EPHB1: variants seen among roughly 807,000 people sequenced by gnomAD.
EPHB1 encodes ephrin type-B receptor 1.
Under a neutral mutation model 94.4 loss-of-function variants are expected in EPHB1, and 30 were observed. The observed-to-expected ratio is 0.32, with a 90% CI of 0.24 to 0.43. The LOEUF is 0.43. Among genes scored for constraint, EPHB1 ranks in the 20% least tolerant of loss-of-function variants. The probability of loss-of-function intolerance (pLI) is 1.00; values close to 1 mark genes in which losing one functional copy is unlikely to be tolerated. For synonymous variants in EPHB1, 522 were observed against 489.1 expected, an observed-to-expected ratio of 1.07 and a Z score of -0.89; for missense variants, 1,055 against 1,308.3, an observed-to-expected ratio of 0.81 and a Z score of 2.99.
At chr3:134,860,580 C>T (rs1426634678) in intron 1 of EPHB1, among the ~76,000 whole-genome samples, 3 of 152,038 alleles carry the variant, frequency 2.0e-5, no homozygotes, top group East Asian at 3.9e-4. Context: ...TTTGGGAGGC[C>T]GAGACGGGCA....
At chr3:135,080,636 T>G (rs1202389457) in intron 3 of EPHB1, among the ~76,000 whole-genome samples, 2 of 151,900 alleles carry the variant, frequency 1.3e-5, no homozygotes, top group Non-Finnish European at 2.9e-5. Flanking sequence ...CAATTTGACA[T>G]CTTTAGGATT....
intron 14 of EPHB1, among the ~76,000 whole-genome samples, chr3:135,248,910 AT>A (rs1368937020): frequency 6.8e-5 from 10 of 147,802 alleles, no homozygotes; most frequent in East Asian, 4.0e-4. Flanking sequence ...TCACTGCTCC[AT>A]TTTTTTTTTC....
At chr3:134,959,964 ACCTTTTTTTTTTTTTTTTTTTTTTTTTT>A (rs1933440621) in intron 3 of EPHB1, among the ~76,000 whole-genome samples, 1 of 89,134 alleles carries the variant, frequency 1.1e-5, no homozygotes, top group Admixed American at 1.4e-4. Flanking sequence ...AAACATCTGC[ACCTTTTTTTTTTTTTTTTTTTTTTTTTT>A]TTTTTTTTTT....
chr3:135,230,411 G>A (rs1943504987), intron 12 of EPHB1, among the ~76,000 whole-genome samples: 1 of 152,080 alleles, frequency 6.6e-6, no homozygotes, highest in Non-Finnish European at 1.5e-5. Context: ...GGAGAGCAAA[G>A]TGTCTAGAGA....
At chr3:135,143,796 G>A (rs1451288953) in intron 5 of EPHB1, among the ~76,000 whole-genome samples, 2 of 152,228 alleles carry the variant, frequency 1.3e-5, no homozygotes, top group Non-Finnish European at 1.5e-5. Flanking sequence ...TCCCATGGTT[G>A]CAGGGTCACA....
chr3:135,032,093 G>T (rs1936491507), intron 3 of EPHB1, among the ~76,000 whole-genome samples: 1 of 151,838 alleles, frequency 6.6e-6, no homozygotes, highest in Non-Finnish European at 1.5e-5. Context: ...CATTGCCTGG[G>T]TACTGCACAG....
At chr3:134,948,869 T>C (rs1380459549) in intron 2 of EPHB1, among the ~76,000 whole-genome samples, 7 of 152,232 alleles carry the variant, frequency 4.6e-5, no homozygotes, top group Non-Finnish European at 1.0e-4. Flanking sequence ...TATGCTATGA[T>C]ATGCTATCTA....
chr3:134,882,004 A>G (rs548637003), intron 1 of EPHB1, among the ~76,000 whole-genome samples: 35 of 152,360 alleles, frequency 2.3e-4, no homozygotes, highest in African/African-American at 7.7e-4. Context: ...CTGTCCAACA[A>G]TATTATTTGG....
chr3:134,867,100 A>G (rs1046954379), intron 1 of EPHB1, among the ~76,000 whole-genome samples: 2 of 152,134 alleles, frequency 1.3e-5, no homozygotes, highest in Admixed American at 1.3e-4. Context: ...TGGGAGGGCC[A>G]CAGCCTAATT....
Position 134,810,563 on chromosome 3 carries a change from GA to G in EPHB1, c.58+14875del, listed in dbSNP as rs765673281. Among the ~76,000 whole-genome samples, 20 of 152,288 alleles carry G rather than the reference GA, an allele frequency of 1.3e-4. No individual in the cohort carries two copies. In the South Asian group the frequency reaches 1.9e-3, roughly 14 times the overall value. On this transcript the variant is annotated intron_variant, in intron 1 of 15. Coordinates refer to ENST00000398015, the MANE Select transcript of EPHB1 (RefSeq NM_004441.5). ...TATTAAATATCTGGGAAAAGACTGA[GA>G]GAACAATTATAGTATTGTCATAATG...
intron 4 of EPHB1, among the ~76,000 whole-genome samples, chr3:135,111,586 T>C (rs1221445691): frequency 6.6e-6 from 1 of 152,176 alleles, no homozygotes; most frequent in African/African-American, 2.4e-5. Flanking sequence ...AGTGTGAATG[T>C]ACGAGCGCAT....
intron 12 of EPHB1, among the ~76,000 whole-genome samples, chr3:135,220,849 A>G (rs1258673539): frequency 2.0e-5 from 3 of 152,200 alleles, no homozygotes; most frequent in African/African-American, 4.8e-5. Flanking sequence ...TCCAAGCCAG[A>G]GAGGACAAGA....
chr3:134,852,989 T>C, intron 1 of EPHB1, among the ~76,000 whole-genome samples: 1 of 151,964 alleles, frequency 6.6e-6, no homozygotes, highest in East Asian at 1.9e-4. Context: ...GCAGGTGGGG[T>C]CACTGCCAGC....
chr3:134,802,804 G>A (rs1166757527), intron 1 of EPHB1, among the ~76,000 whole-genome samples: 3 of 152,136 alleles, frequency 2.0e-5, no homozygotes, highest in East Asian at 1.9e-4. Context: ...AGCCTTCTAG[G>A]GCAGGAAAAG....
chr3:135,172,257 G>C (rs1941824991), intron 9 of EPHB1, among the ~76,000 whole-genome samples: 1 of 152,208 alleles, frequency 6.6e-6, no homozygotes, highest in African/African-American at 2.4e-5. Flanking sequence ...CCAGCATAAT[G>C]CCATTATGGC....
rs1209093070 is a variant in EPHB1, at chr3:135,052,734, A to G, written c.806-53714A>G. Reference sequence around the variant, plus strand: ...AAATTAGCCGGGCGTGTTGGCTGGCACCTGTAGTCCCAGCTACTCGGGAGG... The same window carrying G: ...AAATTAGCCGGGCGTGTTGGCTGGCGCCTGTAGTCCCAGCTACTCGGGAGG... On this transcript the variant is annotated intron_variant, in intron 3 of 15. Transcript: ENST00000398015. Among the ~76,000 whole-genome samples, 31 of 149,660 alleles carry G rather than the reference A, an allele frequency of 2.1e-4. 1 individual carries two copies. The highest frequency in any genetic ancestry group is 2.1e-3 in the Admixed American group (31 of 14,974).
intron 6 of EPHB1, among the ~76,000 whole-genome samples, chr3:135,155,252 G>A (rs748083441): frequency 2.6e-5 from 4 of 152,128 alleles, no homozygotes; most frequent in Admixed American, 1.3e-4. Flanking sequence ...GGAAAGAGCA[G>A]GTTGCATAAT....
intron 3 of EPHB1, among the ~76,000 whole-genome samples, chr3:135,009,170 GT>G (rs1311295796): frequency 6.6e-6 from 1 of 152,210 alleles, no homozygotes; most frequent in Non-Finnish European, 1.5e-5. Flanking sequence ...ACCAGGAAAG[GT>G]TTGAGGCCCT....
intron 3 of EPHB1, among the ~76,000 whole-genome samples, chr3:134,972,213 C>T (rs1933996521): frequency 6.6e-6 from 1 of 151,982 alleles, no homozygotes; most frequent in African/African-American, 2.4e-5. Flanking sequence ...TTTTCCCTTC[C>T]TTCCCCTTCT....
Sources: gnomAD v4.1 joint callset for allele counts (sites outside exome capture counted in the v4.1 genomes callset) on GRCh38, gnomAD v4.1.1 for gene constraint, MANE v1.5 for transcripts, NCBI Gene and HGNC (gene_info 2026-07-23, HGNC 2026-07-21) for gene names.